NUP188: variants seen among roughly 807,000 people sequenced by gnomAD.
NUP188 encodes nucleoporin NUP188.
NUP188 carries 97 observed loss-of-function variants against 223.0 expected under a neutral mutation model. The ratio of observed to expected loss-of-function variants is 0.43; its 90% confidence interval spans 0.37 to 0.51. The LOEUF (loss-of-function observed/expected upper bound fraction) is 0.51, where lower values mean the gene tolerates loss of function less well. NUP188 is among the 20% of genes least tolerant of loss of function. The pLI is 0.00. For synonymous variants in NUP188, 869 were observed against 828.0 expected, an observed-to-expected ratio of 1.05 and a Z score of -0.85; for missense variants, 1,947 against 2,175.6, an observed-to-expected ratio of 0.89 and a Z score of 2.09.
intron 11 of NUP188, among the ~76,000 whole-genome samples, chr9:128,971,604 G>A (rs1202323764): frequency 6.6e-6 from 1 of 151,958 alleles, no homozygotes; most frequent in East Asian, 1.9e-4. Context: ...ATTTTTAGTA[G>A]AGACGGGGTT....
At chr9:128,991,565 G>A (rs552365967) in intron 25 of NUP188, among the ~76,000 whole-genome samples, 6 of 150,888 alleles carry the variant, frequency 4.0e-5, no homozygotes, top group African/African-American at 1.5e-4. Flanking sequence ...TTTAGGGCTG[G>A]GCGTGGTGGC....
chr9:128,955,986 C>CG (rs149585164), intron 3 of NUP188, among the ~76,000 whole-genome samples: 1 of 56,474 alleles, frequency 1.8e-5, no homozygotes, highest in Non-Finnish European at 2.9e-5. Context: ...AAGTTATTTA[C>CG]CCTAAGTGCT....
intron 10 of NUP188, among the ~76,000 whole-genome samples, chr9:128,970,014 A>G (rs1003478524): frequency 1.3e-5 from 2 of 151,940 alleles, no homozygotes; most frequent in Non-Finnish European, 2.9e-5. Flanking sequence ...TGCAACCTCC[A>G]CCTCCTGGGT....
At chr9:128,982,339 A>G (rs1842265478) in intron 15 of NUP188, among the ~76,000 whole-genome samples, 1 of 151,580 alleles carries the variant, frequency 6.6e-6, no homozygotes, top group South Asian at 2.1e-4. Context: ...CTGAAGCACG[A>G]GAATCACTTG....
rs188697861 is a variant in NUP188 at position 128,995,960 on chromosome 9, C to T, written c.3351+446C>T. On this transcript the variant is annotated intron_variant, in intron 30 of 43. Coordinates refer to ENST00000372577, the MANE Select transcript of NUP188 (RefSeq NM_015354.3). ...AGTTTGTCATTGGTTCTAGAAACTG[C>T]ATTTCCTGGTCTTAGAAAAAGAACA... is the stretch of plus-strand genomic sequence containing the variant. Among the ~76,000 whole-genome samples, 23 of 152,256 alleles carry T rather than the reference C, an allele frequency of 1.5e-4. No homozygotes were observed. In the Middle Eastern group the frequency reaches 0.01, roughly 68 times the overall value.
intron 31 of NUP188, 29 bp from the exon 32 acceptor site, chr9:128,998,509 C>T (rs1842571015): frequency 3.1e-6 from 5 of 1,593,848 alleles, no homozygotes; most frequent in South Asian, 1.1e-5. Flanking sequence ...TTTCCACTGA[C>T]TTCTGACTGG....
chr9:129,002,808 G>A lies in NUP188; in HGVS notation c.4138-9G>A, dbSNP rs1842695541. ...GGGTTCCTGAGCTTGTCTGCTGTTT[G>A]TATCTTAGACACCTAGTGCCTCTCG... On this transcript the variant is annotated splice_polypyrimidine_tract_variant and intron_variant, in intron 36 of 43. Transcript: ENST00000372577. 6.2e-7 allele frequency: 1 copy of A among 1,612,938 alleles called. No homozygotes were observed. The highest frequency in any genetic ancestry group is 8.5e-7 in the Non-Finnish European group (1 of 1,179,420).
At chr9:128,952,669 G>T in intron 2 of NUP188, 104 bp from the exon 3 acceptor site, 1 of 899,628 alleles carries the variant, frequency 1.1e-6, no homozygotes, top group South Asian at 1.5e-5. Flanking sequence ...GTTGCAGTCA[G>T]CCAAGTTGGT....
At chr9:128,991,347 G>A (rs1842426981) in intron 25 of NUP188, among the ~76,000 whole-genome samples, 1 of 151,760 alleles carries the variant, frequency 6.6e-6, no homozygotes, top group Admixed American at 6.6e-5. Flanking sequence ...AGACCAGCGT[G>A]GCCAAGATGG....
chr9:129,003,870 G>A (rs1033934700), intron 38 of NUP188: 1 of 303,944 alleles, frequency 3.3e-6, no homozygotes, highest in Admixed American at 5.4e-5. Context: ...CTACTCGGGA[G>A]GCTGAGTTGG....
At position 128,985,340 on chromosome 9, in the gene NUP188, T is replaced by C. The variant is rs548768601; in HGVS notation, c.2076+326T>C. The C allele has an allele frequency of 4.9e-4, 96 of 195,196 alleles. No homozygotes were observed. The South Asian group carries it at 0.012, about 25-fold the overall frequency. The allele number at this position is 195,196 out of a possible 1,614,324, so 12.1% of individuals were successfully genotyped here. ...GGATAATATCATATCCCAGTATATA[T>C]ACATGTGTGTATATTCCTGAAGCAA... On this transcript the variant is annotated intron_variant, in intron 20 of 43. Coordinates refer to ENST00000372577, the MANE Select transcript of NUP188 (RefSeq NM_015354.3).
intron 9 of NUP188, 111 bp from the exon 10 acceptor site, chr9:128,969,289 A>T: frequency 1.5e-6 from 1 of 658,676 alleles, no homozygotes; most frequent in South Asian, 1.9e-5. Flanking sequence ...GTTAGCCACT[A>T]TGCCTGGCCC....
At position 128,982,569 on chromosome 9, in the gene NUP188, A is replaced by G. The variant is rs755507478; in HGVS notation, c.1537A>G (p.Ile513Val). Residue 513 changes from isoleucine (I) to valine (V), a missense_variant, in exon 16 of 44, where the codon ATA (isoleucine) becomes GTA (valine). Ile to Val is a conservative substitution (Grantham distance 29, BLOSUM62 3). Transcript: ENST00000372577. The part of the protein sequence containing the change: ...YPLGGQTNLR[I>V]PQGTVGQVML... The stretch of plus-strand genomic sequence containing the variant: ...CTCAGGGGGTCAAACCAACCTTCGC[A>G]TACCTCAAGGCACTGTGGGCCAAGT... 1 of 1,612,796 alleles carries G rather than the reference A, an allele frequency of 6.2e-7. No homozygotes were observed. Among genetic ancestry groups the G allele is most frequent in the Non-Finnish European group, 8.5e-7 (1 of 1,179,588 alleles).
chr9:128,986,468 A>G, intron 20 of NUP188, 90 bp from the exon 21 acceptor site: 3 of 1,354,904 alleles, frequency 2.2e-6, no homozygotes, highest in South Asian at 2.9e-5. Context: ...TTTCCTTTGG[A>G]CCTATCTATG....
rs572299777 is a variant in NUP188 at position 128,997,919 on chromosome 9, C to T, written c.3352-232C>T. Among the ~76,000 whole-genome samples the T allele has an allele frequency of 2.6e-5, 4 of 151,690 alleles. No individual in the cohort carries two copies. The East Asian group carries it at 5.9e-4, about 22-fold the overall frequency. On this transcript the variant is annotated intron_variant, in intron 30 of 43. Transcript: ENST00000372577. ...TATTTTTAGTAGAGACAGGGTTCCA[C>T]CGTGTTGGCCAGGATGGTCTTGATC...
In NUP188 at chr9:128,969,427, G is replaced by A. The variant is rs573424580; in HGVS notation, c.825G>A (p.Glu275=). 332 of 1,611,468 alleles carry A rather than the reference G, an allele frequency of 2.1e-4. 3 individuals are homozygous for A. In the South Asian group the frequency reaches 3.4e-3, roughly 16 times the overall value. ...ACTTCAGTGCCCTCATCCTGGTGGA[G>A]GGCATGGATATCGAGTCCTTGCATA... is the stretch of plus-strand genomic sequence containing the variant. ...IGYFSALILV[E]GMDIESLHKC... Residue 275 remains glutamate, a synonymous_variant, in exon 10 of 44, where the codon GAG becomes GAA. Transcript: ENST00000372577.
chr9:128,958,069 C>G lies in NUP188; in HGVS notation c.372+15C>G, dbSNP rs376086647. ...TAATCCTGAAGGTCAGTAGTAGTCA[C>G]CATTTCTATTCTTTGATGTAAAATT... On this transcript the variant is annotated intron_variant, in intron 6 of 43. Transcript: ENST00000372577. 3 of 1,603,914 alleles carry G rather than the reference C, an allele frequency of 1.9e-6. No homozygotes were observed. Among genetic ancestry groups the G allele is most frequent in the Non-Finnish European group, 2.6e-6 (3 of 1,171,636 alleles).
intron 12 of NUP188, among the ~76,000 whole-genome samples, chr9:128,975,979 T>C (rs1842170729): frequency 1.3e-5 from 2 of 152,108 alleles, no homozygotes; most frequent in African/African-American, 4.8e-5. Flanking sequence ...TGCGCCACCA[T>C]GTCTGGCTAG....
At chr9:128,982,015 T>G (rs1229148856) in intron 15 of NUP188, among the ~76,000 whole-genome samples, 1 of 151,538 alleles carries the variant, frequency 6.6e-6, no homozygotes, top group African/African-American at 2.4e-5. Flanking sequence ...AGGCAGAGGT[T>G]GCAGTGAGTT....
Sources: allele counts gnomAD v4.1 joint callset (sites outside exome capture counted in the v4.1 genomes callset), GRCh38; gene constraint gnomAD v4.1.1; transcripts MANE v1.5; gene names NCBI Gene and HGNC (gene_info 2026-07-23, HGNC 2026-07-21).